Variants in PPEF1 observed in about 807,000 individuals in gnomAD.
The protein encoded by PPEF1 is protein phosphatase with EF-hand domain 1.
PPEF1 carries 12 observed loss-of-function variants against 53.3 expected under a neutral mutation model. That is an observed-to-expected ratio of 0.23 (90% CI 0.14 to 0.36). PPEF1 has a LOEUF of 0.36. Ranked by LOEUF, PPEF1 falls within the 10% of genes least tolerant of loss-of-function variation. The pLI is 1.00. For missense variants in PPEF1, 334 were observed against 490.4 expected (o/e 0.68, Z 3.01); for synonymous variants, 165 against 176.7 (o/e 0.93, Z 0.52).
chrX:18,814,636 C>T (rs996523136), intron 12 of PPEF1, among the ~76,000 whole-genome samples: 1 of 111,655 alleles, frequency 9.0e-6, no homozygotes, highest in African/African-American at 3.3e-5. Flanking sequence ...GCTTATAGGT[C>T]TTGTTTTGAG....
chrX:18,685,488 A>G (rs1929034730), intron 2 of PPEF1, among the ~76,000 whole-genome samples: 2 of 110,703 alleles, frequency 1.8e-5, no homozygotes, highest in Non-Finnish European at 3.8e-5. Flanking sequence ...GATCGAGACC[A>G]TCCTGGCTAA....
chrX:18,769,053 T>G (rs2045827540), intron 6 of PPEF1, among the ~76,000 whole-genome samples: 1 of 112,373 alleles, frequency 8.9e-6, no homozygotes, highest in African/African-American at 3.2e-5. Flanking sequence ...GCAATTATTG[T>G]TCTTCATTGA....
At chrX:18,686,985 G>A (rs1929109563) in intron 3 of PPEF1, among the ~76,000 whole-genome samples, 1 of 111,434 alleles carries the variant, frequency 9.0e-6, no homozygotes. Flanking sequence ...TCATGGTTTC[G>A]CTATTCTCAG....
intron 12 of PPEF1, among the ~76,000 whole-genome samples, chrX:18,814,596 A>T (rs2046867678): frequency 8.9e-6 from 1 of 111,916 alleles, no homozygotes; most frequent in Non-Finnish European, 1.9e-5. Context: ...AGGTTCAGTG[A>T]TGTTGAGCAT....
At chrX:18,778,929 A>G (rs913586422) in intron 6 of PPEF1, 81 bp from the exon 7 acceptor site, 59 of 919,841 alleles carry the variant, frequency 6.4e-5, no homozygotes, top group Admixed American at 1.5e-4. Context: ...TTCCATATTA[A>G]CAGGGATGTT....
chrX:18,805,044 T>C (rs779135943), intron 11 of PPEF1, among the ~76,000 whole-genome samples: 2 of 109,525 alleles, frequency 1.8e-5, no homozygotes, highest in East Asian at 5.8e-4. Context: ...TGGAGTGCAG[T>C]GGTGCAATCT....
chrX:18,738,048 A>G (rs2045034761), intron 3 of PPEF1, among the ~76,000 whole-genome samples: 1 of 110,703 alleles, frequency 9.0e-6, no homozygotes, highest in African/African-American at 3.3e-5. Flanking sequence ...TCCTGAATAC[A>G]GCACACTGAT....
chrX:18,817,999 G>A, intron 12 of PPEF1, 40 bp from the exon 13 acceptor site: 1 of 982,195 alleles, frequency 1.0e-6, no homozygotes, highest in African/African-American at 1.9e-5. Flanking sequence ...ACAACAGGAT[G>A]ATTTATGTTA....
At chrX:18,736,207 A>G (rs913230896) in intron 3 of PPEF1, among the ~76,000 whole-genome samples, 24 of 111,688 alleles carry the variant, frequency 2.1e-4, no homozygotes, top group African/African-American at 7.8e-4. Flanking sequence ...GTCTTGTGCC[A>G]GTTTTCAAAG....
At chrX:18,783,763 A>G in intron 8 of PPEF1, 136 bp from the exon 9 acceptor site, 1 of 560,484 alleles carries the variant, frequency 1.8e-6, no homozygotes, top group Admixed American at 3.3e-5. Context: ...TGATGAATAC[A>G]TGCTAATTGG....
intron 1 of PPEF1, 99 bp downstream of exon 1, chrX:18,707,925 C>G (rs1000407970): frequency 1.8e-5 from 14 of 792,688 alleles, no homozygotes; most frequent in Middle Eastern, 2.8e-4. Context: ...GATGCTCAAG[C>G]TGCCCTGTGT....
Position 18,764,248 on chromosome X carries a change from T to G in PPEF1, c.558+2672T>G, listed in dbSNP as rs186590194. On this transcript the variant is annotated intron_variant, in intron 6 of 15. Transcript: ENST00000470157. The stretch of plus-strand genomic sequence containing the variant: ...GGTGGGCAAGGACCTGGAAAGCAGG[T>G]GTGTTCAACAGTGGGGGGCACCACG... 8.5e-3 allele frequency among the ~76,000 whole-genome samples: 948 copies of G among 110,906 alleles called. 15 individuals carry two copies. The highest frequency in any genetic ancestry group is 0.029 in the African/African-American group (898 of 30,471).
At chrX:18,783,301 C>G (rs2046128985) in intron 8 of PPEF1, among the ~76,000 whole-genome samples, 1 of 109,268 alleles carries the variant, frequency 9.2e-6, no homozygotes. Context: ...GGGGTGTGGG[C>G]TCTCGGTTGC....
At chrX:18,810,766 T>C (rs2046789745) in intron 12 of PPEF1, among the ~76,000 whole-genome samples, 1 of 112,402 alleles carries the variant, frequency 8.9e-6, no homozygotes, top group African/African-American at 3.2e-5. Flanking sequence ...ATTTTGTTTG[T>C]CCATTCATGA....
intron 1 of PPEF1, among the ~76,000 whole-genome samples, chrX:18,726,775 CCTCAGCCTCCCAA>C (rs1286491884): frequency 1.8e-5 from 2 of 109,952 alleles, no homozygotes; most frequent in African/African-American, 6.6e-5. Context: ...GATCCTCCCA[CCTCAGCCTCCCAA>C]GTAGCTGGGA....
intron 3 of PPEF1, among the ~76,000 whole-genome samples, chrX:18,740,939 GCT>G (rs2045143267): frequency 3.3e-5 from 1 of 30,207 alleles, no homozygotes; most frequent in Non-Finnish European, 6.4e-5. Flanking sequence ...TTTTTTTTTT[GCT>G]CTCATTAAAA....
chrX:18,759,660 T>C (rs979164076), intron 5 of PPEF1, among the ~76,000 whole-genome samples: 3 of 111,575 alleles, frequency 2.7e-5, no homozygotes, highest in Non-Finnish European at 3.8e-5. Context: ...AGATTTAGAG[T>C]GAGACCATAT....
rs1220693228 is a variant in PPEF1 at position 18,817,618 on chromosome X, G to T, written c.1395-421G>T. ...GCCTCCCAAAGTGTTGGGATTACAG[G>T]TGTGAGCCACCACACCCGGCCTTTG... On this transcript the variant is annotated intron_variant, in intron 12 of 15. Transcript: ENST00000470157. Among the ~76,000 whole-genome samples, 5 of 110,791 alleles carry T rather than the reference G, an allele frequency of 4.5e-5. No homozygotes were observed. In the South Asian group the frequency reaches 1.5e-3, roughly 34 times the overall value.
At chrX:18,692,328 C>G (rs1929442709) in intron 4 of PPEF1, among the ~76,000 whole-genome samples, 1 of 112,285 alleles carries the variant, frequency 8.9e-6, no homozygotes, top group East Asian at 2.8e-4. Context: ...ATATCATCAT[C>G]TCTTAGACTG....
Sources: allele counts gnomAD v4.1 joint callset (sites outside exome capture counted in the v4.1 genomes callset), GRCh38; gene constraint gnomAD v4.1.1; transcripts MANE v1.5; gene names NCBI Gene and HGNC (gene_info 2026-07-23, HGNC 2026-07-21).